Variants in STON1 observed in about 807,000 individuals in gnomAD.
The protein encoded by STON1 is stonin-1.
STON1 carries 79 observed loss-of-function variants against 60.9 expected under a neutral mutation model. The observed-to-expected ratio is 1.30, with a 90% CI of 1.08 to 1.56. STON1 has a LOEUF of 1.56. STON1 is among the 40% of genes most tolerant of loss of function. The pLI, the probability that STON1 is intolerant of heterozygous loss-of-function variation, is 0.00. For synonymous variants in STON1, 363 were observed against 306.9 expected, an observed-to-expected ratio of 1.18 and a Z score of -1.91; for missense variants, 1,166 against 858.9, an observed-to-expected ratio of 1.36 and a Z score of -4.47.
intron 2 of STON1, among the ~76,000 whole-genome samples, chr2:48,584,466 C>G (rs1314639512): frequency 6.6e-6 from 1 of 152,032 alleles, no homozygotes; most frequent in Middle Eastern, 3.4e-3. Flanking sequence ...CGGGGTTTTC[C>G]CATGTTGGCC....
chr2:48,564,379 C>T (rs1390381429), intron 1 of STON1, among the ~76,000 whole-genome samples: 4 of 151,260 alleles, frequency 2.6e-5, no homozygotes, highest in Non-Finnish European at 2.9e-5. Flanking sequence ...AGAGAGTGAG[C>T]TAGGTCCTCC....
chr2:48,564,465 T>C (rs1672768159), intron 1 of STON1, among the ~76,000 whole-genome samples: 2 of 55,642 alleles, frequency 3.6e-5, no homozygotes, highest in African/African-American at 1.4e-4. Context: ...CTTCTTCTTC[T>C]TCTTCTTCTT....
intron 1 of STON1, among the ~76,000 whole-genome samples, chr2:48,578,954 C>T (rs1056933609): frequency 4.6e-5 from 7 of 151,724 alleles, no homozygotes; most frequent in South Asian, 2.1e-4. Flanking sequence ...TATAAGATTA[C>T]AGTTTAGTTT....
At position 48,580,966 on chromosome 2, in the gene STON1, C is replaced by T. The variant is rs376885663; in HGVS notation, c.333C>T (p.Asp111=). Reference sequence around the variant, plus strand: ...ATCCTATTCCAGAATCATCTTCAGACAGCCCACTCGCAATATCAGGAGGAG... The same window carrying T: ...ATCCTATTCCAGAATCATCTTCAGATAGCCCACTCGCAATATCAGGAGGAG... The part of the protein sequence containing the change: ...VLYPIPESSS[D]SPLAISGGES... Residue 111 remains aspartate (D), a synonymous_variant, in exon 2 of 4, where the codon GAC becomes GAT. Transcript: ENST00000404752. 3.2e-6 allele frequency: 5 copies of T among 1,582,928 alleles called. No individual in the cohort carries two copies. The highest frequency in any genetic ancestry group is 3.7e-5 in the Admixed American group (2 of 53,508).
At position 48,572,747 on chromosome 2, in the gene STON1, C is replaced by A. The variant is rs541675697; in HGVS notation, c.-47-7840C>A. Among the ~76,000 whole-genome samples, 10 of 152,282 alleles carry A rather than the reference C, an allele frequency of 6.6e-5. No individual in the cohort carries two copies. The East Asian group carries it at 1.9e-3, about 29-fold the overall frequency. ...CAACTAAAGTAAATATTTTCCTGAGCTCTCACCCCTATAGGAGGGTTATTT... is the reference window on the plus strand; with the variant it reads ...CAACTAAAGTAAATATTTTCCTGAGATCTCACCCCTATAGGAGGGTTATTT... On this transcript the variant is annotated intron_variant, in intron 1 of 3. Transcript: ENST00000404752.
At chr2:48,564,480 T>TTCTTCTTCTTCTTCTTCTTCTTC (rs1558604783) in intron 1 of STON1, among the ~76,000 whole-genome samples, 7 of 32,492 alleles carry the variant, frequency 2.2e-4, no homozygotes, top group African/African-American at 4.6e-4. Flanking sequence ...CTTCTTCTTC[T>TTCTTCTTCTTCTTCTTCTTCTTC]TTCTTCTTCT....
chr2:48,590,374 T>C lies in STON1; in HGVS notation c.1931-1279T>C, dbSNP rs532837469. 2.0e-5 allele frequency among the ~76,000 whole-genome samples: 3 copies of C among 152,210 alleles called. No individual in the cohort carries two copies. The South Asian group carries it at 6.2e-4, about 32-fold the overall frequency. On this transcript the variant is annotated intron_variant, in intron 2 of 3. Transcript: ENST00000404752. ...AGGTTGTATGGAACGAAAGGTAATT[T>C]ATCTTTTAAGAATTAAGTGAAATCC...
intron 1 of STON1, chr2:48,530,796 G>C (rs1054013409): frequency 2.6e-5 from 4 of 152,392 alleles, no homozygotes; most frequent in African/African-American, 9.6e-5. Context: ...CACAGCCGCG[G>C]GGGCCACCAC....
rs1229995492 is a variant in STON1 at position 48,564,891 on chromosome 2, C to T, written c.-47-15696C>T. ...GGAATTACAGGCGTGCACCACCACG[C>T]CCGGCTAATTTTTGTATTTTTAGTA... On this transcript the variant is annotated intron_variant, in intron 1 of 3. Coordinates refer to ENST00000404752, the MANE Select transcript of STON1 (RefSeq NM_006873.4). Among the ~76,000 whole-genome samples, 7 of 149,730 alleles carry T rather than the reference C, an allele frequency of 4.7e-5. No individual in the cohort carries two copies. The South Asian group carries it at 6.3e-4, about 14-fold the overall frequency.
At position 48,560,714 on chromosome 2, in the gene STON1, G is replaced by T. The variant is rs116117604; in HGVS notation, c.-47-19873G>T. ...CAGGAAACAACACAGCTCCACAGCT[G>T]CAGTGAGCACAGCTGCAGAAACCCA... On this transcript the variant is annotated intron_variant, in intron 1 of 3. Coordinates refer to ENST00000404752, the MANE Select transcript of STON1 (RefSeq NM_006873.4). 7.4e-3 allele frequency among the ~76,000 whole-genome samples: 1,123 copies of T among 152,326 alleles called. 15 individuals are homozygous for T. Among genetic ancestry groups the T allele is most frequent in the African/African-American group, 0.026 (1,095 of 41,570 alleles).
rs1284263119 is a variant in STON1 at position 48,564,609 on chromosome 2, C to T, written c.-47-15978C>T. 1.2e-4 allele frequency among the ~76,000 whole-genome samples: 14 copies of T among 114,600 alleles called. 1 individual carries two copies. The highest frequency in any genetic ancestry group is 4.1e-4 in the African/African-American group (12 of 29,282). The allele number at this position is 114,600 out of a possible 152,430, so 75.2% of individuals were successfully genotyped here. A position where few individuals can be genotyped will look rare whatever the true frequency, so the allele number is the denominator to read the frequency against. On this transcript the variant is annotated intron_variant, in intron 1 of 3. Coordinates refer to ENST00000404752, the MANE Select transcript of STON1 (RefSeq NM_006873.4). Reference sequence around the variant, plus strand: ...CCTCCTCCTCCTCCTCCTCCTTCTCCTTCTCCTTCTCCTTCTCCTTCTCTT... The same window carrying T: ...CCTCCTCCTCCTCCTCCTCCTTCTCTTTCTCCTTCTCCTTCTCCTTCTCTT...
chr2:48,538,029 C>G (rs1400245905), intron 1 of STON1, among the ~76,000 whole-genome samples: 1 of 151,774 alleles, frequency 6.6e-6, no homozygotes, highest in Non-Finnish European at 1.5e-5. Context: ...TCTTGGCTCA[C>G]TGCAACCTCC....
At chr2:48,541,279 T>C (rs1671638869) in intron 1 of STON1, among the ~76,000 whole-genome samples, 1 of 150,386 alleles carries the variant, frequency 6.6e-6, no homozygotes, top group Non-Finnish European at 1.5e-5. Flanking sequence ...GAACCTAAGC[T>C]GGGGCGGAGG....
intron 1 of STON1, among the ~76,000 whole-genome samples, chr2:48,538,763 ATTTTTTTTTT>A (rs34052598): frequency 5.8e-5 from 5 of 86,370 alleles, no homozygotes; most frequent in Non-Finnish European, 8.8e-5. Flanking sequence ...ACACCCAGCT[ATTTTTTTTTT>A]TTTTTTTTTT....
At chr2:48,591,559 C>T in intron 2 of STON1, 94 bp from the exon 3 acceptor site, 2 of 1,500,436 alleles carry the variant, frequency 1.3e-6, no homozygotes, top group Non-Finnish European at 1.8e-6. Flanking sequence ...AATGAAATTC[C>T]TTATTAAGGA....
intron 1 of STON1, among the ~76,000 whole-genome samples, chr2:48,554,738 A>ATTTATTTATTTT (rs1672249341): frequency 1.0e-5 from 1 of 97,112 alleles, no homozygotes; most frequent in African/African-American, 3.6e-5. Flanking sequence ...TTATTTATTT[A>ATTTATTTATTTT]TTTTTTTATT....
intron 1 of STON1, among the ~76,000 whole-genome samples, chr2:48,564,477 T>C (rs868582387): frequency 1.8e-4 from 9 of 48,718 alleles, no homozygotes; most frequent in African/African-American, 6.4e-4. Flanking sequence ...CTTCTTCTTC[T>C]TCTTTCTTCT....
At chr2:48,539,110 G>A (rs1291709945) in intron 1 of STON1, among the ~76,000 whole-genome samples, 2 of 152,024 alleles carry the variant, frequency 1.3e-5, no homozygotes, top group Non-Finnish European at 1.5e-5. Flanking sequence ...TAGAGATGGG[G>A]TCTTGCTATG....
intron 1 of STON1, among the ~76,000 whole-genome samples, chr2:48,577,567 C>T (rs908995769): frequency 3.1e-4 from 46 of 148,392 alleles, no homozygotes; most frequent in Admixed American, 3.4e-4. Context: ...AGCGACAGAG[C>T]GAGACTCCGT....
Sources: allele counts gnomAD v4.1 joint callset (sites outside exome capture counted in the v4.1 genomes callset), GRCh38; gene constraint gnomAD v4.1.1; transcripts MANE v1.5; gene names NCBI Gene and HGNC (gene_info 2026-07-23, HGNC 2026-07-21).